The following SARAF variants were observed in gnomAD, a reference collection of about 807,000 sequenced individuals.
SARAF encodes store-operated calcium entry-associated regulatory factor.
In SARAF, 23 loss-of-function variants were observed where a neutral mutation model predicts 39.7. That is an observed-to-expected ratio of 0.58 (90% CI 0.42 to 0.82). The LOEUF (loss-of-function observed/expected upper bound fraction) is 0.82. Among genes scored for constraint, SARAF ranks in the 40% least tolerant of loss-of-function variants. The pLI is 0.00. For missense variants in SARAF, 384 were observed against 418.5 expected (o/e 0.92, Z 0.72); for synonymous variants, 175 against 168.5 (o/e 1.04, Z -0.30).
chr8:30,079,319 T>C (rs1430745358), intron 1 of SARAF, among the ~76,000 whole-genome samples: 1 of 152,188 alleles, frequency 6.6e-6, no homozygotes, highest in East Asian at 1.9e-4. Context: ...AAAAGATGTC[T>C]TCTTTAATAA....
intron 1 of SARAF, among the ~76,000 whole-genome samples, chr8:30,080,635 C>T (rs2117445946): frequency 6.6e-6 from 1 of 152,280 alleles, no homozygotes; most frequent in South Asian, 2.1e-4. Context: ...GGAAGAGTAA[C>T]TTAATATAAG....
chr8:30,080,780 G>A (rs1230984229), intron 1 of SARAF, among the ~76,000 whole-genome samples: 2 of 152,156 alleles, frequency 1.3e-5, no homozygotes, highest in African/African-American at 4.8e-5. Flanking sequence ...ATAAATTAGG[G>A]AGCCGATTAA....
intron 4 of SARAF, 93 bp downstream of exon 4, chr8:30,066,684 T>A: frequency 6.7e-7 from 1 of 1,498,590 alleles, no homozygotes. Flanking sequence ...TCACCACAAT[T>A]TATTTTCCTT....
At chr8:30,080,567 G>C (rs1483680424) in intron 1 of SARAF, among the ~76,000 whole-genome samples, 2 of 152,198 alleles carry the variant, frequency 1.3e-5, no homozygotes, top group African/African-American at 4.8e-5. Flanking sequence ...CTCCCCAATA[G>C]AGGTAAAGTC....
At chr8:30,075,480 C>G (rs1248088667) in intron 1 of SARAF, among the ~76,000 whole-genome samples, 3 of 152,132 alleles carry the variant, frequency 2.0e-5, no homozygotes, top group African/African-American at 7.2e-5. Flanking sequence ...CCTCTTGCAG[C>G]TATAGTTGCC....
rs753532019 is a variant in SARAF at position 30,069,701 on chromosome 8, T to C, written c.641A>G (p.Tyr214Cys). ...YSEYPPFSHR[Y>C]QRFTNSAGPP... is the part of the protein sequence containing the mutation. ...TCCTGCTGAGTTGGTGAATCTCTGG[T>C]AACGGTGGGAAAATGGAGGATACTC... is the stretch of plus-strand genomic sequence containing the variant. Residue 214 changes from tyrosine to cysteine, a missense_variant, in exon 3 of 6, where the codon TAC becomes TGC. Tyr to Cys is a radical substitution (Grantham distance 194). Coordinates refer to ENST00000256255, the MANE Select transcript of SARAF (RefSeq NM_016127.6). The C allele has an allele frequency of 1.9e-6, 3 of 1,614,070 alleles. No homozygotes were observed. The South Asian group carries it at 3.3e-5, about 18-fold the overall frequency.
At position 30,069,759 on chromosome 8, in the gene SARAF, T is replaced by G. The variant is rs1003840321; in HGVS notation, c.583A>C (p.Ser195Arg). ...IAFVVYKLFL[S>R]DGQYSPPPYS... is the part of the protein sequence containing the mutation. ...GGTGGAGGAGAATACTGCCCGTCAC[T>G]CAGGAACAGCTTATAGACTACAAAC... The change falls in exon 3 of 6, where the codon AGT (serine) becomes CGT (arginine). Residue 195 changes from serine (S) to arginine (R), a missense_variant. Ser to Arg is a moderately radical substitution (Grantham distance 110). Transcript: ENST00000256255. 3 of 1,613,996 alleles carry G rather than the reference T, an allele frequency of 1.9e-6. No homozygotes were observed. In the African/African-American group the frequency reaches 4.0e-5, roughly 22 times the overall value.
In SARAF at chr8:30,070,046, G is replaced by A. The variant is rs371104190; in HGVS notation, c.296C>T (p.Thr99Met). Reference protein sequence around the residue: ...DGYDVQWECKTDLDIAYKFGK... With the variant: ...DGYDVQWECKMDLDIAYKFGK... ...AAATTTGTATGCAATATCTAAGTCC[G>A]TCTTACATTCCCACTGTGAAGAAAA... Residue 99 changes from threonine (T) to methionine (M), a missense_variant, in exon 3 of 6, where the codon ACG becomes ATG. Coordinates refer to ENST00000256255, the MANE Select transcript of SARAF (RefSeq NM_016127.6). 19 of 1,603,276 alleles carry A rather than the reference G, an allele frequency of 1.2e-5. No homozygotes were observed. The highest frequency in any genetic ancestry group is 1.1e-4 in the East Asian group (5 of 44,816).
Position 30,063,273 on chromosome 8 carries a change from G to A in SARAF, c.*615C>T, listed in dbSNP as rs570985338. The A allele has an allele frequency of 1.3e-5, 2 of 152,392 alleles. No individual in the cohort carries two copies. Among genetic ancestry groups the A allele is most frequent in the East Asian group, 3.9e-4 (2 of 5,186 alleles). The allele number at this position is 152,392 out of a possible 1,614,324, so 9.4% of individuals were successfully genotyped here. A position where few individuals can be genotyped will look rare whatever the true frequency, so the allele number is the denominator to read the frequency against. Reference sequence around the variant, plus strand: ...GGTTTCAAGCATTTTTGCCAGCACAGAGTCATTCACAACAACCTTCTAGAT... The same window carrying A: ...GGTTTCAAGCATTTTTGCCAGCACAAAGTCATTCACAACAACCTTCTAGAT... On this transcript the variant is annotated 3_prime_UTR_variant, in exon 6 of 6. Coordinates refer to ENST00000256255, the MANE Select transcript of SARAF (RefSeq NM_016127.6).
At chr8:30,078,648 C>T (rs1423808758) in intron 1 of SARAF, among the ~76,000 whole-genome samples, 1 of 152,032 alleles carries the variant, frequency 6.6e-6, no homozygotes, top group African/African-American at 2.4e-5. Context: ...GATGTATTTC[C>T]CACAAGTATT....
intron 1 of SARAF, among the ~76,000 whole-genome samples, chr8:30,080,433 G>A (rs1046201275): frequency 3.3e-5 from 5 of 152,282 alleles, no homozygotes; most frequent in Admixed American, 2.6e-4. Context: ...ACCAATGTAC[G>A]TTTTTTAAGT....
At chr8:30,064,999 T>C (rs1037662310) in intron 5 of SARAF, among the ~76,000 whole-genome samples, 1 of 152,206 alleles carries the variant, frequency 6.6e-6, no homozygotes, top group Non-Finnish European at 1.5e-5. Context: ...ACTGCTATCA[T>C]CATAGTGTAT....
chr8:30,064,553 A>ATTTTTTTTTTTTTT (rs1213352789), intron 5 of SARAF, among the ~76,000 whole-genome samples: 2 of 47,672 alleles, frequency 4.2e-5, no homozygotes, highest in East Asian at 8.3e-4. Flanking sequence ...ATATATATAT[A>ATTTTTTTTTTTTTT]TATATATATT....
Position 30,063,615 on chromosome 8 carries a change from T to C in SARAF, c.*273A>G, listed in dbSNP as rs760266662. 46 of 481,324 alleles carry C rather than the reference T, an allele frequency of 9.6e-5. No homozygotes were observed. The highest frequency in any genetic ancestry group is 1.4e-4 in the Non-Finnish European group (38 of 271,540). The allele number at this position is 481,324 out of a possible 1,614,324, so 29.8% of individuals were successfully genotyped here. A position where few individuals can be genotyped will look rare whatever the true frequency, so the allele number is the denominator to read the frequency against. On this transcript the variant is annotated 3_prime_UTR_variant, in exon 6 of 6. Transcript: ENST00000256255. ...TTAGGGCATCACAGGTTTTAGAAAT[T>C]AATGTATTTTTAGCATTCCACAGTA...
chr8:30,076,970 C>G (rs1207418617), intron 1 of SARAF, among the ~76,000 whole-genome samples: 1 of 151,882 alleles, frequency 6.6e-6, no homozygotes, highest in Non-Finnish European at 1.5e-5. Context: ...GCAACCAGGA[C>G]AAAACAACAA....
chr8:30,070,584 T>C (rs1801817469), intron 2 of SARAF, among the ~76,000 whole-genome samples: 1 of 152,220 alleles, frequency 6.6e-6, no homozygotes, highest in South Asian at 2.1e-4. Flanking sequence ...ATTGCGTATA[T>C]GAGTATTCGT....
intron 5 of SARAF, chr8:30,065,775 T>C: frequency 1.8e-6 from 1 of 547,984 alleles, no homozygotes; most frequent in South Asian, 2.0e-5. Flanking sequence ...AGTTAAAACC[T>C]TGGTCTATGG....
At position 30,065,938 on chromosome 8, in the gene SARAF, T is replaced by C. The variant is rs772000769; in HGVS notation, c.994+50A>G. 6 of 1,581,238 alleles carry C rather than the reference T, an allele frequency of 3.8e-6. No individual in the cohort carries two copies. In the Admixed American group the frequency reaches 1.0e-4, roughly 27 times the overall value. On this transcript the variant is annotated intron_variant, in intron 5 of 5. Coordinates refer to ENST00000256255, the MANE Select transcript of SARAF (RefSeq NM_016127.6). Reference sequence around the variant, plus strand: ...ATCATCTTCTAAAGTTCCCAAACTATTTCTGTACTTTACTCCTAGGTAAAA... The same window carrying C: ...ATCATCTTCTAAAGTTCCCAAACTACTTCTGTACTTTACTCCTAGGTAAAA...
At chr8:30,083,099 T>C, upstream of SARAF, 1 of 555,488 alleles carries the variant, frequency 1.8e-6, no homozygotes, top group East Asian at 3.4e-5. Flanking sequence ...AACGGATCCG[T>C]GCGCCAACCC....
Sources: allele counts gnomAD v4.1 joint callset (sites outside exome capture counted in the v4.1 genomes callset), GRCh38; gene constraint gnomAD v4.1.1; transcripts MANE v1.5; gene names NCBI Gene and HGNC (gene_info 2026-07-23, HGNC 2026-07-21).